CDH4: variants seen among roughly 807,000 people sequenced by gnomAD.
CDH4 encodes cadherin 4.
In CDH4, 33 loss-of-function variants were observed where a neutral mutation model predicts 86.0. The observed-to-expected ratio is 0.38, with a 90% CI of 0.29 to 0.51. The LOEUF is 0.51. CDH4 is among the 20% of genes least tolerant of loss of function. CDH4 has a pLI of 0.86. For synonymous variants in CDH4, 555 were observed against 549.4 expected, an observed-to-expected ratio of 1.01 and a Z score of -0.14; for missense variants, 1,114 against 1,307.4, an observed-to-expected ratio of 0.85 and a Z score of 2.28.
chr20:61,565,241 G>GGTGGTGGT (rs1278281894), intron 2 of CDH4, among the ~76,000 whole-genome samples: 1 of 26,980 alleles, frequency 3.7e-5, no homozygotes, highest in African/African-American at 3.0e-4. Flanking sequence ...TGGTGGTGGT[G>GGTGGTGGT]GCGGTGCTCT....
intron 2 of CDH4, among the ~76,000 whole-genome samples, chr20:61,573,635 G>A (rs1600772027): frequency 1.3e-5 from 2 of 152,224 alleles, no homozygotes; most frequent in South Asian, 4.1e-4. Context: ...TTGCAGCACA[G>A]TGGCCCTGAT....
At chr20:61,410,434 C>A (rs1300120570) in intron 2 of CDH4, among the ~76,000 whole-genome samples, 1 of 127,044 alleles carries the variant, frequency 7.9e-6, no homozygotes, top group Non-Finnish European at 1.8e-5. Context: ...CCATTCCTCC[C>A]ACTGGTCCAT....
chr20:61,372,378 G>C (rs1203770228), intron 2 of CDH4, among the ~76,000 whole-genome samples: 1 of 152,200 alleles, frequency 6.6e-6, no homozygotes, highest in South Asian at 2.1e-4. Flanking sequence ...GTGTCTACCC[G>C]CACACGCTTC....
At chr20:61,407,044 G>A (rs915246370) in intron 2 of CDH4, among the ~76,000 whole-genome samples, 20 of 151,546 alleles carry the variant, frequency 1.3e-4, no homozygotes, top group African/African-American at 4.9e-4. Flanking sequence ...CATCTGCTCT[G>A]CCCGGACCAC....
intron 2 of CDH4, among the ~76,000 whole-genome samples, chr20:61,565,204 C>CCTCTTGGTGATGGGGTGATGGTGGTG (rs1568688378): frequency 2.0e-5 from 1 of 50,284 alleles, no homozygotes; most frequent in Admixed American, 1.8e-4. Flanking sequence ...TGGTGGTGGT[C>CCTCTTGGTGATGGGGTGATGGTGGTG]GCGGTGCTCT....
At chr20:61,868,096 A>C (rs1038227681) in intron 6 of CDH4, among the ~76,000 whole-genome samples, 2 of 152,210 alleles carry the variant, frequency 1.3e-5, no homozygotes, top group African/African-American at 4.8e-5. Context: ...ATGAGCATAA[A>C]CCGCAGAATG....
intron 4 of CDH4, among the ~76,000 whole-genome samples, chr20:61,789,622 G>A (rs1979057513): frequency 6.6e-6 from 1 of 152,226 alleles, no homozygotes; most frequent in Non-Finnish European, 1.5e-5. Context: ...CGTGTTTTCA[G>A]CAGAAAATCG....
At chr20:61,739,533 C>T (rs1350837944) in intron 2 of CDH4, among the ~76,000 whole-genome samples, 2 of 152,190 alleles carry the variant, frequency 1.3e-5, no homozygotes, top group African/African-American at 4.8e-5. Flanking sequence ...CCATGGGAGC[C>T]AACATCCCAG....
At chr20:61,459,437 G>A (rs2085429424) in intron 2 of CDH4, among the ~76,000 whole-genome samples, 1 of 151,418 alleles carries the variant, frequency 6.6e-6, no homozygotes, top group African/African-American at 2.4e-5. Flanking sequence ...CACTGGTCAC[G>A]TATTGGTATT....
intron 2 of CDH4, among the ~76,000 whole-genome samples, chr20:61,465,215 TTA>T (rs1352835580): frequency 3.9e-5 from 6 of 152,200 alleles, no homozygotes; most frequent in Non-Finnish European, 8.8e-5. Context: ...GGCATTTTGA[TTA>T]TATGAGAATA....
intron 2 of CDH4, among the ~76,000 whole-genome samples, chr20:61,614,523 G>A (rs948342430): frequency 2.6e-5 from 4 of 152,116 alleles, no homozygotes; most frequent in East Asian, 1.9e-4. Context: ...TGGCCGGTGC[G>A]TGGGACTGGC....
chr20:61,479,757 G>A (rs1205608632), intron 2 of CDH4, among the ~76,000 whole-genome samples: 1 of 152,132 alleles, frequency 6.6e-6, no homozygotes, highest in Non-Finnish European at 1.5e-5. Flanking sequence ...ATGAGACTGG[G>A]AAAATCGTGG....
chr20:61,445,499 G>A (rs550401354), intron 2 of CDH4, among the ~76,000 whole-genome samples: 2 of 152,230 alleles, frequency 1.3e-5, no homozygotes, highest in Middle Eastern at 3.4e-3. Context: ...TGGGAGTGAC[G>A]AAGAGCTGGG....
chr20:61,452,191 G>A (rs188588520), intron 2 of CDH4, among the ~76,000 whole-genome samples: 14 of 152,268 alleles, frequency 9.2e-5, no homozygotes, highest in African/African-American at 2.4e-4. Flanking sequence ...TTCCCAGGCC[G>A]GGCCCACAAA....
intron 2 of CDH4, among the ~76,000 whole-genome samples, chr20:61,574,944 G>T (rs1274694608): frequency 6.6e-6 from 1 of 152,202 alleles, no homozygotes; most frequent in Non-Finnish European, 1.5e-5. Flanking sequence ...ATAAGCTAAA[G>T]CAGTTTGCAC....
intron 3 of CDH4, among the ~76,000 whole-genome samples, chr20:61,746,234 G>C (rs2088413138): frequency 6.6e-6 from 1 of 152,268 alleles, no homozygotes; most frequent in South Asian, 2.1e-4. Flanking sequence ...GGCAGCCTGA[G>C]GACCCTGTCC....
chr20:61,940,355 C>T lies in CDH4; in HGVS notation c.*3412C>T, dbSNP rs1016150384. The T allele has an allele frequency of 6.6e-6, 1 of 152,000 alleles. No individual in the cohort carries two copies. Among genetic ancestry groups the T allele is most frequent in the African/African-American group, 2.4e-5 (1 of 41,374 alleles). 9.4% of individuals were successfully genotyped at this position (152,000 alleles called of 1,614,324 possible). ...AAGATACTGGAGTATGATGTACTCA[C>T]ACCTGCAAATCTGAGCATCGCGAGG... On this transcript the variant is annotated 3_prime_UTR_variant, in exon 16 of 16. Transcript: ENST00000614565.
chr20:61,661,187 GA>G (rs2087253238), intron 2 of CDH4, among the ~76,000 whole-genome samples: 1 of 151,906 alleles, frequency 6.6e-6, no homozygotes, highest in Non-Finnish European at 1.5e-5. Flanking sequence ...GGAAGGGCCA[GA>G]AGGGCCATGG....
chr20:61,565,187 GTCCTCT>G (rs1484189827), intron 2 of CDH4, among the ~76,000 whole-genome samples: 2,039 of 77,846 alleles, frequency 0.026, 237 homozygotes, highest in South Asian at 0.038. Flanking sequence ...GGTGGTGGTG[GTCCTCT>G]TGGTGGTGGT....
Sources: allele counts gnomAD v4.1 joint callset (sites outside exome capture counted in the v4.1 genomes callset), GRCh38; gene constraint gnomAD v4.1.1; transcripts MANE v1.5; gene names NCBI Gene and HGNC (gene_info 2026-07-23, HGNC 2026-07-21).